Variants in TBXAS1 observed in about 807,000 individuals in gnomAD.
TBXAS1 encodes the protein thromboxane A synthase 1, also known as thromboxane-A synthase.
In TBXAS1, 48 loss-of-function variants were observed where a neutral mutation model predicts 60.7. That is an observed-to-expected ratio of 0.79 (90% CI 0.63 to 1.01). The LOEUF is 1.01. Among genes scored for constraint, TBXAS1 ranks in the 50% least tolerant of loss-of-function variants. The pLI is 0.00. For missense variants in TBXAS1, 685 were observed against 686.3 expected (o/e 1.00, Z 0.02); for synonymous variants, 287 against 269.7 (o/e 1.06, Z -0.63).
At chr7:139,900,254 A>C (rs1804461748) in intron 3 of TBXAS1, among the ~76,000 whole-genome samples, 2 of 152,224 alleles carry the variant, frequency 1.3e-5, no homozygotes, top group Non-Finnish European at 2.9e-5. Flanking sequence ...GTTCCAGTAA[A>C]CTACAGAGAT....
intron 9 of TBXAS1, among the ~76,000 whole-genome samples, chr7:139,989,514 G>A (rs114397762): frequency 3.9e-5 from 6 of 152,202 alleles, no homozygotes; most frequent in South Asian, 4.1e-4. Context: ...CTGCCCCACC[G>A]CTTTGCCCTC....
At chr7:139,993,416 C>T (rs997100412) in intron 9 of TBXAS1, among the ~76,000 whole-genome samples, 6 of 152,100 alleles carry the variant, frequency 3.9e-5, no homozygotes, top group African/African-American at 1.4e-4. Context: ...AAGCGAAGTC[C>T]CTGAGGCCGG....
At chr7:139,960,887 C>T (rs966073250) in intron 8 of TBXAS1, among the ~76,000 whole-genome samples, 2 of 152,190 alleles carry the variant, frequency 1.3e-5, no homozygotes, top group Non-Finnish European at 2.9e-5. Flanking sequence ...GATTCTGATA[C>T]TCTCCTTTTG....
At chr7:139,920,269 A>G (rs1806352917) in intron 4 of TBXAS1, among the ~76,000 whole-genome samples, 1 of 152,184 alleles carries the variant, frequency 6.6e-6, no homozygotes, top group South Asian at 2.1e-4. Context: ...GGCTGCCAGC[A>G]CTAATCTAGC....
chr7:139,832,062 G>A (rs1798735400), intron 1 of TBXAS1, among the ~76,000 whole-genome samples: 3 of 152,154 alleles, frequency 2.0e-5, no homozygotes, highest in African/African-American at 7.2e-5. Context: ...TTTAGCTCCA[G>A]ATCAACTGCA....
At chr7:139,893,992 G>C (rs763822966) in intron 3 of TBXAS1, among the ~76,000 whole-genome samples, 2 of 152,202 alleles carry the variant, frequency 1.3e-5, no homozygotes, top group Non-Finnish European at 2.9e-5. Flanking sequence ...TAACTCACCA[G>C]GATGAGAAGG....
chr7:139,977,291 G>T (rs1184545892), intron 9 of TBXAS1, among the ~76,000 whole-genome samples: 4 of 152,198 alleles, frequency 2.6e-5, no homozygotes, highest in Non-Finnish European at 5.9e-5. Context: ...GCAAAGAGGA[G>T]CAAGTCACAT....
At chr7:139,795,612 A>C (rs1031591836) in intron 4 of TBXAS1, among the ~76,000 whole-genome samples, 1 of 146,620 alleles carries the variant, frequency 6.8e-6, no homozygotes, top group Non-Finnish European at 1.5e-5. Context: ...CTGAATGGTA[A>C]TGCCTAGGTT....
intron 9 of TBXAS1, among the ~76,000 whole-genome samples, chr7:140,001,309 G>A (rs1813656977): frequency 6.6e-6 from 1 of 152,128 alleles, no homozygotes; most frequent in Non-Finnish European, 1.5e-5. Context: ...AGAATATTCT[G>A]CTCAGTCCCC....
chr7:140,015,209 G>A lies in TBXAS1; in HGVS notation c.1227-514G>A, dbSNP rs182210368. On this transcript the variant is annotated intron_variant, in intron 10 of 12. Transcript: ENST00000448866. ...TATTCTTTGGGGATCTTGGCATGGG[G>A]ACCATCCACAGGAGGGAGGGGACAG... 1.4e-3 allele frequency among the ~76,000 whole-genome samples: 208 copies of A among 152,262 alleles called. 1 individual carries two copies. Among genetic ancestry groups the A allele is most frequent in the South Asian group, 9.3e-3 (45 of 4,822 alleles).
chr7:140,015,545 G>C (rs1462042844), intron 10 of TBXAS1, among the ~76,000 whole-genome samples, 178 bp from the exon 11 acceptor site: 3 of 152,104 alleles, frequency 2.0e-5, no homozygotes, highest in Non-Finnish European at 4.4e-5. Context: ...ATGGGGTAGG[G>C]GCTTGGTCAC....
chr7:139,813,065 AAAATAAAAT>A (rs1392837692), intron 4 of TBXAS1, among the ~76,000 whole-genome samples: 5 of 131,514 alleles, frequency 3.8e-5, no homozygotes, highest in African/African-American at 1.5e-4. Flanking sequence ...TCAAATAAAT[AAAATAAAAT>A]AAATAAAATA....
intron 1 of TBXAS1, among the ~76,000 whole-genome samples, chr7:139,837,303 G>A (rs1049594225): frequency 2.0e-5 from 3 of 152,128 alleles, no homozygotes; most frequent in African/African-American, 4.8e-5. Context: ...CAGCAATTCC[G>A]CTACTGGGTA....
At position 139,829,374 on chromosome 7, in the gene TBXAS1, G is replaced by A. The variant is rs1323012738; in HGVS notation, c.-17G>A. On this transcript the variant is annotated 5_prime_UTR_variant, in exon 1 of 13. Coordinates refer to ENST00000448866, the MANE Select transcript of TBXAS1 (RefSeq NM_001061.7). ...GTCTCATCTGGAAGACCACCACTCT[G>A]GGGTCTCAGAGGAATGATGGAAGCC... 6.2e-7 allele frequency: 1 copy of A among 1,611,760 alleles called. No homozygotes were observed. The highest frequency in any genetic ancestry group is 1.1e-5 in the South Asian group (1 of 90,398).
chr7:139,946,056 G>A (rs370179528), intron 5 of TBXAS1, among the ~76,000 whole-genome samples: 1 of 152,358 alleles, frequency 6.6e-6, no homozygotes, highest in East Asian at 1.9e-4. Context: ...GATCTGGCCA[G>A]GCATGGTGGC....
intron 4 of TBXAS1, among the ~76,000 whole-genome samples, chr7:139,815,863 A>C (rs927400940): frequency 1.3e-5 from 2 of 152,220 alleles, no homozygotes; most frequent in African/African-American, 4.8e-5. Flanking sequence ...AGTTGGAAAC[A>C]GTTCACATCA....
chr7:139,906,370 T>C (rs1350601902), intron 3 of TBXAS1, among the ~76,000 whole-genome samples: 1 of 152,186 alleles, frequency 6.6e-6, no homozygotes, highest in Non-Finnish European at 1.5e-5. Flanking sequence ...CTAGCATCTT[T>C]TGTTGAAAAA....
At chr7:139,793,275 C>T (rs1468448092) in intron 4 of TBXAS1, among the ~76,000 whole-genome samples, 3 of 151,990 alleles carry the variant, frequency 2.0e-5, no homozygotes, top group Non-Finnish European at 2.9e-5. Flanking sequence ...AAAAATTTAG[C>T]TGGACATGGT....
intron 4 of TBXAS1, among the ~76,000 whole-genome samples, chr7:139,793,453 C>T (rs1287224591): frequency 6.6e-6 from 1 of 151,940 alleles, no homozygotes; most frequent in African/African-American, 2.4e-5. Context: ...CTACTCTGTG[C>T]CAAACACCGT....
Sources: allele counts gnomAD v4.1 joint callset (sites outside exome capture counted in the v4.1 genomes callset), GRCh38; gene constraint gnomAD v4.1.1; transcripts MANE v1.5; gene names NCBI Gene and HGNC (gene_info 2026-07-23, HGNC 2026-07-21).